The following AMDHD1 variants were observed in gnomAD, a reference collection of about 807,000 sequenced individuals.
AMDHD1 encodes the protein probable imidazolonepropionase.
AMDHD1 carries 45 observed loss-of-function variants against 44.1 expected under a neutral mutation model. That is an observed-to-expected ratio of 1.02 (90% CI 0.80 to 1.31). The LOEUF (loss-of-function observed/expected upper bound fraction) is 1.31, where lower values mean the gene tolerates loss of function less well. Among genes scored for constraint, AMDHD1 ranks in the 50% most tolerant of loss-of-function variants. The pLI, the probability that AMDHD1 is intolerant of heterozygous loss-of-function variation, is 0.00. For synonymous variants in AMDHD1, 206 were observed against 205.0 expected, an observed-to-expected ratio of 1.00 and a Z score of -0.04; for missense variants, 586 against 552.1, an observed-to-expected ratio of 1.06 and a Z score of -0.61.
rs148414685 is a variant in AMDHD1 at position 95,962,417 on chromosome 12, C to T, written c.876C>T (p.Ile292=). 12 of 1,613,842 alleles carry T rather than the reference C, an allele frequency of 7.4e-6. No homozygotes were observed. Among genetic ancestry groups the T allele is most frequent in the African/African-American group, 4.0e-5 (3 of 74,924 alleles). ...SHLEEVSDEG[I]VAMATARCSA... ...TGGAAGAAGTGAGTGATGAAGGCAT[C>T]GTTGCCATGGCAACGGCCAGGTGCT... The change falls in exon 6 of 9, where the codon ATC becomes ATT. Residue 292 remains isoleucine, a synonymous_variant. Coordinates refer to ENST00000266736, the MANE Select transcript of AMDHD1 (RefSeq NM_152435.3).
Position 95,968,568 on chromosome 12 carries a change from CAATA to C in AMDHD1, c.*729_*732del, listed in dbSNP as rs2080623981. The C allele has an allele frequency of 6.6e-6, 1 of 152,196 alleles. No homozygotes were observed. The highest frequency in any genetic ancestry group is 1.5e-5 in the Non-Finnish European group (1 of 68,036). The allele number at this position is 152,196 out of a possible 1,614,324, so 9.4% of individuals were successfully genotyped here. ...TGGGTGAAACACATTTTACAGCTCT[CAATA>C]AATGTTTGCTGTCGCTCTTATTGTT... On this transcript the variant is annotated 3_prime_UTR_variant, in exon 9 of 9. Coordinates refer to ENST00000266736, the MANE Select transcript of AMDHD1 (RefSeq NM_152435.3).
chr12:95,954,289 G>T (rs912562419), intron 2 of AMDHD1, among the ~76,000 whole-genome samples: 1 of 152,078 alleles, frequency 6.6e-6, no homozygotes, highest in Non-Finnish European at 1.5e-5. Context: ...GCTTATTTGG[G>T]CCAGGAGTAG....
At chr12:95,961,550 C>T (rs2080581553) in intron 5 of AMDHD1, among the ~76,000 whole-genome samples, 1 of 152,210 alleles carries the variant, frequency 6.6e-6, no homozygotes, top group Non-Finnish European at 1.5e-5. Flanking sequence ...AGATACCCCA[C>T]CTGCATGCCT....
At chr12:95,964,679 G>T (rs7976535) in intron 6 of AMDHD1, among the ~76,000 whole-genome samples, 17,416 of 152,064 alleles carry the variant, frequency 0.11, 1,331 homozygotes, top group Non-Finnish European at 0.18. Context: ...TCTAGGATGA[G>T]AATTATCTCT....
At chr12:95,963,529 C>T (rs1343862515) in intron 6 of AMDHD1, among the ~76,000 whole-genome samples, 1 of 152,150 alleles carries the variant, frequency 6.6e-6, no homozygotes, top group Non-Finnish European at 1.5e-5. Flanking sequence ...TTTATATGCA[C>T]ATGTATGATA....
chr12:95,967,330 A>G (rs1349951596), intron 8 of AMDHD1, among the ~76,000 whole-genome samples: 1 of 152,270 alleles, frequency 6.6e-6, no homozygotes, highest in African/African-American at 2.4e-5. Context: ...GGGTGGGCAC[A>G]TAGCAGCAAA....
rs1438714670 is a variant in AMDHD1 at position 95,967,828 on chromosome 12, C to T, written c.1266C>T (p.Leu422=). The change falls in exon 9 of 9, where the codon CTC becomes CTT. Residue 422 remains leucine, a synonymous_variant. Coordinates refer to ENST00000266736, the MANE Select transcript of AMDHD1 (RefSeq NM_152435.3). ...AATATGTTATAGCTAAAGGAAAACT[C>T]ATCTATAAAACATGATAGATTTGAA... ...LIEYVIAKGK[L]IYKT 1 of 1,575,376 alleles carries T rather than the reference C, an allele frequency of 6.3e-7. No individual in the cohort carries two copies. The highest frequency in any genetic ancestry group is 2.3e-5 in the East Asian group (1 of 42,792).
chr12:95,954,374 G>GT (rs1036731318), intron 2 of AMDHD1, among the ~76,000 whole-genome samples: 4 of 151,904 alleles, frequency 2.6e-5, no homozygotes, highest in Non-Finnish European at 5.9e-5. Context: ...CAGGCAGATC[G>GT]TTTAAGCCCA....
intron 1 of AMDHD1, among the ~76,000 whole-genome samples, chr12:95,948,732 G>C (rs1422035428): frequency 1.6e-5 from 1 of 63,340 alleles, no homozygotes; most frequent in Non-Finnish European, 2.8e-5. Flanking sequence ...GATGGTTGCC[G>C]TGTCTGTGTG....
intron 4 of AMDHD1, among the ~76,000 whole-genome samples, chr12:95,958,566 G>T (rs947806792): frequency 6.6e-6 from 1 of 152,000 alleles, no homozygotes; most frequent in Non-Finnish European, 1.5e-5. Flanking sequence ...GTTTTCTTTT[G>T]CAGTAGAAAG....
chr12:95,954,810 C>T, intron 2 of AMDHD1, 101 bp from the exon 3 acceptor site: 1 of 1,076,732 alleles, frequency 9.3e-7, no homozygotes, highest in Admixed American at 2.1e-5. Flanking sequence ...TGGCCACCAT[C>T]ACACTTTCCC....
Position 95,943,534 on chromosome 12 carries a change from A to T in AMDHD1, c.136A>T (p.Lys46Ter), listed in dbSNP as rs1219954763. The T allele has an allele frequency of 6.9e-7, 1 of 1,458,244 alleles. No individual in the cohort carries two copies. Among genetic ancestry groups the T allele is most frequent in the Non-Finnish European group, 9.0e-7 (1 of 1,108,344 alleles). 90.3% of individuals were successfully genotyped at this position (1,458,244 alleles called of 1,614,324 possible). Residue 46 changes from lysine (K) to a stop codon, truncating the protein, a stop_gained and splice_region_variant, in exon 1 of 9, where the codon AAA becomes TAA. Transcript: ENST00000266736. LOFTEE classifies it high-confidence loss of function. ...GGAAGGCGCCAGCCTGGTGGTGGGC[A>T]AGTAAGTGGCCGGGCGCGCAGGGTG... ...VLEGASLVVGKDGFIKAIGPA... is the reference protein window; with the variant it reads ...VLEGASLVVG
chr12:95,952,858 A>G (rs780686700), intron 2 of AMDHD1, 35 bp downstream of exon 2: 2 of 1,266,690 alleles, frequency 1.6e-6, no homozygotes, highest in Non-Finnish European at 2.3e-6. Flanking sequence ...GTCTACAAGT[A>G]GCTTTAACAG....
At chr12:95,954,813 A>T in intron 2 of AMDHD1, 98 bp from the exon 3 acceptor site, 1 of 1,121,724 alleles carries the variant, frequency 8.9e-7, no homozygotes, top group Non-Finnish European at 1.3e-6. Flanking sequence ...CCACCATCAC[A>T]CTTTCCCCAG....
intron 1 of AMDHD1, 105 bp from the exon 2 acceptor site, chr12:95,952,612 T>C (rs2080530060): frequency 2.7e-6 from 2 of 728,644 alleles, no homozygotes; most frequent in South Asian, 3.5e-5. Context: ...ACAGTAAATG[T>C]TGACTAATTA....
chr12:95,955,353 A>G (rs2080544824), intron 3 of AMDHD1, among the ~76,000 whole-genome samples: 1 of 152,206 alleles, frequency 6.6e-6, no homozygotes, highest in Non-Finnish European at 1.5e-5. Flanking sequence ...TTTCTGTTAT[A>G]AACTGAGACT....
At chr12:95,949,410 G>A (rs2080516904) in intron 1 of AMDHD1, among the ~76,000 whole-genome samples, 1 of 152,116 alleles carries the variant, frequency 6.6e-6, no homozygotes, top group African/African-American at 2.4e-5. Context: ...GTAGGGTCTT[G>A]CTTGCTAATT....
chr12:95,953,437 C>T (rs1015318128), intron 2 of AMDHD1, among the ~76,000 whole-genome samples: 4 of 152,150 alleles, frequency 2.6e-5, no homozygotes, highest in African/African-American at 9.7e-5. Flanking sequence ...TGTTGTATGG[C>T]TTCATATAAT....
intron 4 of AMDHD1, 74 bp from the exon 5 acceptor site, chr12:95,960,324 A>G: frequency 3.0e-6 from 4 of 1,345,426 alleles, no homozygotes; most frequent in East Asian, 2.4e-5. Context: ...CAGGTTCTTC[A>G]AGTGCCAGAT....
Sources: gnomAD v4.1 joint callset for allele counts (sites outside exome capture counted in the v4.1 genomes callset) on GRCh38, gnomAD v4.1.1 for gene constraint, MANE v1.5 for transcripts, NCBI Gene and HGNC (gene_info 2026-07-23, HGNC 2026-07-21) for gene names.